The following CDC25C variants were observed in gnomAD, a reference collection of about 807,000 sequenced individuals.
The protein encoded by CDC25C is cell division cycle 25C.
A neutral mutation model predicts 52.5 loss-of-function variants in CDC25C; 48 were observed. That is an observed-to-expected ratio of 0.91 (90% CI 0.72 to 1.16). The LOEUF (loss-of-function observed/expected upper bound fraction) is 1.16. CDC25C is among the 50% of genes most tolerant of loss of function. CDC25C has a pLI of 0.00. For synonymous variants in CDC25C, 187 were observed against 206.5 expected, an observed-to-expected ratio of 0.91 and a Z score of 0.81; for missense variants, 510 against 566.1, an observed-to-expected ratio of 0.90 and a Z score of 1.01.
At chr5:138,323,072 C>A (rs1405816102) in intron 6 of CDC25C, among the ~76,000 whole-genome samples, 1 of 151,466 alleles carries the variant, frequency 6.6e-6, no homozygotes, top group Admixed American at 6.6e-5. Context: ...TCTTGTTTCT[C>A]AGCCAGGTGC....
rs564114804 is a variant in CDC25C at position 138,330,835 on chromosome 5, A to G, written c.194+152T>C. ...AGATTATTTCTTGTCACAGAAAAGAAGGTGAGACTCAAAAGGGTTACACAG... is the reference window on the plus strand; with the variant it reads ...AGATTATTTCTTGTCACAGAAAAGAGGGTGAGACTCAAAAGGGTTACACAG... On this transcript the variant is annotated intron_variant, in intron 2 of 13. Transcript: ENST00000323760. 4.4e-5 allele frequency: 27 copies of G among 611,478 alleles called. No homozygotes were observed. In the South Asian group the frequency reaches 5.5e-4, roughly 12 times the overall value. The allele number at this position is 611,478 out of a possible 1,614,324, so 37.9% of individuals were successfully genotyped here. A position where few individuals can be genotyped will look rare whatever the true frequency, so the allele number is the denominator to read the frequency against.
chr5:138,293,832 A>G (rs1222238345), intron 7 of CDC25C, among the ~76,000 whole-genome samples: 2 of 151,624 alleles, frequency 1.3e-5, no homozygotes, highest in African/African-American at 4.8e-5. Flanking sequence ...TTTTTTATAG[A>G]GAGAGGGTTT....
At chr5:138,286,258 C>G in intron 12 of CDC25C, 125 bp from the exon 13 acceptor site, 1 of 832,406 alleles carries the variant, frequency 1.2e-6, no homozygotes, top group Non-Finnish European at 1.9e-6. Context: ...TTCCAATCTC[C>G]CTGTGTTTGC....
chr5:138,327,689 GTTTA>G (rs1334364330), intron 4 of CDC25C, among the ~76,000 whole-genome samples: 1 of 152,056 alleles, frequency 6.6e-6, no homozygotes, highest in Admixed American at 6.6e-5. Flanking sequence ...TAGATACACA[GTTTA>G]TTTACTCCTT....
chr5:138,289,039 A>G (rs1193606695), intron 10 of CDC25C, among the ~76,000 whole-genome samples: 1 of 152,052 alleles, frequency 6.6e-6, no homozygotes, highest in East Asian at 1.9e-4. Flanking sequence ...ATCTCTGCTC[A>G]CTGCAACCTC....
chr5:138,328,198 C>G (rs1237816923), intron 4 of CDC25C, among the ~76,000 whole-genome samples: 3 of 152,176 alleles, frequency 2.0e-5, no homozygotes, highest in Non-Finnish European at 4.4e-5. Flanking sequence ...AGATACAGCA[C>G]CTTTCACATA....
chr5:138,309,684 AAACT>A (rs1340662786), intron 7 of CDC25C, among the ~76,000 whole-genome samples: 2 of 151,660 alleles, frequency 1.3e-5, no homozygotes, highest in East Asian at 3.9e-4. Context: ...GCATGCCCTC[AAACT>A]AACTAAAACC....
At chr5:138,297,672 T>A (rs62380876) in intron 7 of CDC25C, among the ~76,000 whole-genome samples, 21,718 of 152,222 alleles carry the variant, frequency 0.14, 1,841 homozygotes, top group South Asian at 0.23. Context: ...TTTGGAAGCT[T>A]GATACGTTTT....
At chr5:138,297,181 G>A (rs1757276186) in intron 7 of CDC25C, among the ~76,000 whole-genome samples, 1 of 152,050 alleles carries the variant, frequency 6.6e-6, no homozygotes, top group African/African-American at 2.4e-5. Flanking sequence ...AAAGTGCTGG[G>A]ATTACAGGCG....
At chr5:138,288,179 A>G (rs1339293336) in intron 10 of CDC25C, among the ~76,000 whole-genome samples, 2 of 151,948 alleles carry the variant, frequency 1.3e-5, no homozygotes, top group Admixed American at 1.3e-4. Context: ...GGGTTCAAGC[A>G]ATTCTCCTGC....
At chr5:138,325,676 A>G (rs1034172571) in intron 6 of CDC25C, 139 bp downstream of exon 6, 5 of 645,478 alleles carry the variant, frequency 7.7e-6, no homozygotes, top group Admixed American at 3.1e-5. Flanking sequence ...AAAAACAAAG[A>G]AATTTTCTCC....
chr5:138,317,767 A>G (rs1057166275), intron 7 of CDC25C, among the ~76,000 whole-genome samples: 1 of 152,038 alleles, frequency 6.6e-6, no homozygotes, highest in South Asian at 2.1e-4. Context: ...GCATATCAGC[A>G]TATAGGCTAT....
chr5:138,292,694 A>T (rs1756851799), intron 7 of CDC25C, among the ~76,000 whole-genome samples: 1 of 152,184 alleles, frequency 6.6e-6, no homozygotes, highest in Non-Finnish European at 1.5e-5. Flanking sequence ...TCAGGGAAAA[A>T]AAAGTGGCTC....
intron 7 of CDC25C, among the ~76,000 whole-genome samples, chr5:138,300,179 A>C (rs1757528540): frequency 6.6e-6 from 1 of 152,198 alleles, no homozygotes; most frequent in African/African-American, 2.4e-5. Flanking sequence ...TTAACAAAAC[A>C]AAACAAAAGA....
intron 6 of CDC25C, among the ~76,000 whole-genome samples, chr5:138,325,235 G>T (rs550875714): frequency 2.0e-4 from 31 of 152,238 alleles, no homozygotes; most frequent in African/African-American, 5.1e-4. Context: ...GGGATGGGAG[G>T]CAGGGAAGAA....
chr5:138,308,322 A>T (rs1003753870), intron 7 of CDC25C, among the ~76,000 whole-genome samples: 8 of 152,248 alleles, frequency 5.3e-5, no homozygotes, highest in African/African-American at 1.9e-4. Context: ...ACTGTACTGT[A>T]CTTAATTTCA....
rs907033621 is a variant in CDC25C, at chr5:138,314,603, CT to C, written c.615+4615del. On this transcript the variant is annotated intron_variant, in intron 7 of 13. Coordinates refer to ENST00000323760, the MANE Select transcript of CDC25C (RefSeq NM_001790.5). ...GAGTCACCGCTCCCAGCCTATAGCA[CT>C]TTTTTTTTTTTTTTTTTTTTTGAGA... Among the ~76,000 whole-genome samples, 1,044 of 114,710 alleles carry C rather than the reference CT, an allele frequency of 9.1e-3. 7 individuals carry two copies. The highest frequency in any genetic ancestry group is 0.03 in the African/African-American group (886 of 29,978). 75.3% of individuals were successfully genotyped at this position (114,710 alleles called of 152,430 possible).
At chr5:138,299,603 G>A (rs1318638757) in intron 7 of CDC25C, among the ~76,000 whole-genome samples, 1 of 151,492 alleles carries the variant, frequency 6.6e-6, no homozygotes, top group Non-Finnish European at 1.5e-5. Flanking sequence ...AATACTTTGA[G>A]ATGAATGAAA....
At chr5:138,288,381 A>G (rs1036318245) in intron 10 of CDC25C, among the ~76,000 whole-genome samples, 2 of 150,776 alleles carry the variant, frequency 1.3e-5, no homozygotes, top group African/African-American at 4.9e-5. Context: ...CCATGATCCC[A>G]TTTCTATAAA....
Sources: gnomAD v4.1 joint callset for allele counts (sites outside exome capture counted in the v4.1 genomes callset) on GRCh38, gnomAD v4.1.1 for gene constraint, MANE v1.5 for transcripts, NCBI Gene and HGNC (gene_info 2026-07-23, HGNC 2026-07-21) for gene names.